The following CPT1A variants were observed in gnomAD, a reference collection of about 807,000 sequenced individuals.
The protein encoded by CPT1A is carnitine O-palmitoyltransferase 1, liver isoform.
Under a neutral mutation model 100.8 loss-of-function variants are expected in CPT1A, and 64 were observed. That is an observed-to-expected ratio of 0.63 (90% CI 0.52 to 0.78). The LOEUF is 0.78. Among genes scored for constraint, CPT1A ranks in the 30% least tolerant of loss-of-function variants. CPT1A has a pLI of 0.00. For synonymous variants in CPT1A, 363 were observed against 396.0 expected, an observed-to-expected ratio of 0.92 and a Z score of 0.99; for missense variants, 802 against 1,034.1, an observed-to-expected ratio of 0.78 and a Z score of 3.08.
chr11:68,821,685 T>G lies in CPT1A; in HGVS notation c.-13-6198A>C, dbSNP rs529136361. On this transcript the variant is annotated intron_variant, in intron 1 of 18. Coordinates refer to ENST00000265641, the MANE Select transcript of CPT1A (RefSeq NM_001876.4). ...GTTGTTATGCTGTATTTTTATTTTG[T>G]ATTATTTTTTGTTATTATTTAGGTT... Among the ~76,000 whole-genome samples the G allele has an allele frequency of 8.3e-4, 126 of 152,366 alleles. 1 individual carries two copies. The highest frequency in any genetic ancestry group is 3.0e-3 in the African/African-American group (123 of 41,584).
rs543203710 is a variant in CPT1A at position 68,792,440 on chromosome 11, C to T, written c.967+875G>A. ...CGTCATACAGGCCTGCCATGATGGTCTTGGGCTCTAGCTCACCAAGTGTCT... is the reference window on the plus strand; with the variant it reads ...CGTCATACAGGCCTGCCATGATGGTTTTGGGCTCTAGCTCACCAAGTGTCT... On this transcript the variant is annotated intron_variant, in intron 9 of 18. Transcript: ENST00000265641. 3.3e-3 allele frequency among the ~76,000 whole-genome samples: 500 copies of T among 152,348 alleles called. 1 individual carries two copies. Among genetic ancestry groups the T allele is most frequent in the African/African-American group, 0.011 (478 of 41,578 alleles).
At chr11:68,807,344 G>T in intron 4 of CPT1A, 123 bp downstream of exon 4, 1 of 1,000,258 alleles carries the variant, frequency 1.0e-6, no homozygotes, top group Non-Finnish European at 1.5e-6. Flanking sequence ...CAAGGTTGAG[G>T]CCCAAGTCAC....
intron 13 of CPT1A, chr11:68,773,674 C>T (rs1045135407): frequency 3.9e-6 from 2 of 508,188 alleles, no homozygotes; most frequent in East Asian, 3.9e-5. Context: ...GGGCTTCCTC[C>T]GACACACACT....
intron 1 of CPT1A, among the ~76,000 whole-genome samples, chr11:68,827,067 C>T (rs1439488700): frequency 6.6e-6 from 1 of 152,100 alleles, no homozygotes; most frequent in Non-Finnish European, 1.5e-5. Flanking sequence ...ATTCCTGGAC[C>T]TCAGATAAGC....
chr11:68,815,205 AAGTACC>A (rs1856350079), intron 2 of CPT1A, 123 bp downstream of exon 2: 2 of 937,212 alleles, frequency 2.1e-6, no homozygotes, highest in East Asian at 5.0e-5. Flanking sequence ...CCCAAGCCTT[AAGTACC>A]ATGGAAACAG....
At chr11:68,813,306 C>T (rs1445086535) in intron 2 of CPT1A, among the ~76,000 whole-genome samples, 6 of 151,888 alleles carry the variant, frequency 4.0e-5, no homozygotes, top group Non-Finnish European at 7.4e-5. Context: ...TGAGGCAGGC[C>T]GATCACTTGA....
intron 1 of CPT1A, among the ~76,000 whole-genome samples, chr11:68,823,182 C>T (rs1211410982): frequency 4.6e-5 from 7 of 151,556 alleles, no homozygotes; most frequent in Admixed American, 6.6e-5. Flanking sequence ...CCTGGAAGTT[C>T]GAAGCTGCAG....
In CPT1A at chr11:68,784,976, G is replaced by A. The variant is rs150511642; in HGVS notation, c.1002C>T (p.Ile334=). The A allele has an allele frequency of 7.4e-6, 12 of 1,613,874 alleles. No individual in the cohort carries two copies. The highest frequency in any genetic ancestry group is 6.7e-5 in the African/African-American group (5 of 74,934). Residue 334 remains isoleucine (I), a synonymous_variant, in exon 10 of 19, where the codon ATC becomes ATT. Coordinates refer to ENST00000265641, the MANE Select transcript of CPT1A (RefSeq NM_001876.4). ...AGTAGCGTCCTCGATGGTACACGAC[G>A]ATGTGCTTGCTGTCTCTCATGTGCT... ...TIQHMRDSKH[I]VVYHRGRYFK... is the part of the protein sequence containing the mutation.
intron 1 of CPT1A, among the ~76,000 whole-genome samples, chr11:68,824,248 CAAAA>C (rs34276531): frequency 1.4e-5 from 1 of 69,106 alleles, no homozygotes; most frequent in Admixed American, 1.7e-4. Context: ...AGCTCCATCT[CAAAA>C]AAAAAAAAAA....
chr11:68,842,034 G>A (rs1857173105), upstream of CPT1A: 1 of 913,320 alleles, frequency 1.1e-6, no homozygotes, highest in Non-Finnish European at 1.3e-6. Context: ...GGGAAACTGA[G>A]GCTCGAGCGG....
At chr11:68,811,176 G>T (rs1481010150) in intron 3 of CPT1A, among the ~76,000 whole-genome samples, 2 of 152,154 alleles carry the variant, frequency 1.3e-5, no homozygotes, top group African/African-American at 4.8e-5. Context: ...CCTTCCACCT[G>T]CAATTCCTGG....
chr11:68,803,879 C>G, intron 5 of CPT1A, 121 bp downstream of exon 5: 1 of 769,228 alleles, frequency 1.3e-6, no homozygotes, highest in Non-Finnish European at 2.3e-6. Flanking sequence ...GAGAACCCTA[C>G]CAGGCACACC....
At chr11:68,828,316 T>C (rs989032618) in intron 1 of CPT1A, among the ~76,000 whole-genome samples, 4 of 152,204 alleles carry the variant, frequency 2.6e-5, no homozygotes, top group Non-Finnish European at 1.5e-5. Flanking sequence ...GAGGGGGGCA[T>C]ACTCCACCAC....
rs533546466 is a variant in CPT1A, at chr11:68,794,484, C to T, written c.879+320G>A. 3.7e-4 allele frequency among the ~76,000 whole-genome samples: 56 copies of T among 152,202 alleles called. 1 individual carries two copies. Among genetic ancestry groups the T allele is most frequent in the Admixed American group, 2.9e-3 (45 of 15,290 alleles). The stretch of plus-strand genomic sequence containing the variant: ...AGAGTGCAATGGTGTTATCTTGGCT[C>T]GCTGCAACCTCCACCTCCTGGGTTC... On this transcript the variant is annotated intron_variant, in intron 8 of 18. Coordinates refer to ENST00000265641, the MANE Select transcript of CPT1A (RefSeq NM_001876.4).
chr11:68,820,673 C>G (rs1856558067), intron 1 of CPT1A, among the ~76,000 whole-genome samples: 1 of 151,994 alleles, frequency 6.6e-6, no homozygotes, highest in African/African-American at 2.4e-5. Context: ...CAGAGTGAGA[C>G]TCCATCTCAA....
intron 14 of CPT1A, among the ~76,000 whole-genome samples, chr11:68,768,340 G>T (rs542359288): frequency 3.3e-5 from 5 of 152,150 alleles, no homozygotes; most frequent in African/African-American, 1.2e-4. Context: ...CTCCCAAAGT[G>T]CTGGGATTAC....
At chr11:68,835,072 A>C (rs910519179) in intron 1 of CPT1A, among the ~76,000 whole-genome samples, 2 of 152,220 alleles carry the variant, frequency 1.3e-5, no homozygotes, top group Non-Finnish European at 2.9e-5. Context: ...GGTTAGATAA[A>C]TACAGACAAA....
intron 9 of CPT1A, among the ~76,000 whole-genome samples, chr11:68,786,687 C>A (rs1050756660): frequency 7.2e-5 from 11 of 152,300 alleles, no homozygotes; most frequent in African/African-American, 2.6e-4. Context: ...TGCCACCACA[C>A]CTGGCTAATT....
intron 13 of CPT1A, 198 bp from the exon 14 acceptor site, chr11:68,773,627 T>G: frequency 5.8e-6 from 5 of 866,596 alleles, no homozygotes; most frequent in South Asian, 1.7e-5. Flanking sequence ...TGCAATGTTA[T>G]AGCAGGTAGC....
Sources: allele counts gnomAD v4.1 joint callset (sites outside exome capture counted in the v4.1 genomes callset), GRCh38; gene constraint gnomAD v4.1.1; transcripts MANE v1.5; gene names NCBI Gene and HGNC (gene_info 2026-07-23, HGNC 2026-07-21).